The following GOLGA4 variants were observed in gnomAD, a reference collection of about 807,000 sequenced individuals.
The protein encoded by GOLGA4 is golgin A4.
In GOLGA4, 169 loss-of-function variants were observed where a neutral mutation model predicts 265.9. That is an observed-to-expected ratio of 0.64 (90% CI 0.56 to 0.72). The LOEUF (loss-of-function observed/expected upper bound fraction) is 0.72. Ranked by LOEUF, GOLGA4 falls within the 30% of genes least tolerant of loss-of-function variation. The pLI is 0.00. For missense variants in GOLGA4, 2,482 were observed against 2,483.4 expected, an observed-to-expected ratio of 1.00 and a Z score of 0.01; for synonymous variants, 923 against 855.8, an observed-to-expected ratio of 1.08 and a Z score of -1.37.
chr3:37,343,182 C>A (rs189836464), intron 20 of GOLGA4, among the ~76,000 whole-genome samples: 3 of 152,216 alleles, frequency 2.0e-5, no homozygotes, highest in African/African-American at 7.2e-5. Context: ...AGCGCAATGG[C>A]GCGATCTCAG....
intron 2 of GOLGA4, among the ~76,000 whole-genome samples, chr3:37,262,883 A>G (rs1446986965): frequency 6.6e-6 from 1 of 152,142 alleles, no homozygotes; most frequent in South Asian, 2.1e-4. Context: ...CAGTAGTCCC[A>G]TAAGATTATA....
At chr3:37,318,949 T>G (rs1160168750) in intron 11 of GOLGA4, 114 bp from the exon 12 acceptor site, 2 of 690,094 alleles carry the variant, frequency 2.9e-6, no homozygotes, top group Non-Finnish European at 4.7e-6. Flanking sequence ...AGGAATGTGA[T>G]TTTTTCTTCT....
At chr3:37,303,893 C>T (rs2096899589) in intron 10 of GOLGA4, among the ~76,000 whole-genome samples, 1 of 152,136 alleles carries the variant, frequency 6.6e-6, no homozygotes, top group Non-Finnish European at 1.5e-5. Context: ...ATTGCATCCT[C>T]ACAAGTGTAT....
chr3:37,272,891 A>G (rs1209524138), intron 2 of GOLGA4, among the ~76,000 whole-genome samples: 1 of 152,168 alleles, frequency 6.6e-6, no homozygotes, highest in African/African-American at 2.4e-5. Context: ...ACCTCAAAGA[A>G]TCTCATCTAG....
Position 37,321,862 on chromosome 3 carries a change from G to T in GOLGA4, c.1677G>T (p.Gln559His), listed in dbSNP as rs77527284. ...GTGAAAATAAACTTCGGGACCTTCA[G>T]CAAGAAGCAGAGACTTACAGAACTG... ...TESENKLRDLQQEAETYRTRI... is the reference protein window; with the variant it reads ...TESENKLRDLHQEAETYRTRI... Residue 559 changes from glutamine (Q) to histidine (H), a missense_variant, in exon 13 of 24, where the codon CAG becomes CAT. Physicochemically the swap from Gln to His is conservative, Grantham distance 24 (BLOSUM62 0). This residue lies in a region of GOLGA4 where 1,536 missense variants were observed against 1,483.7 expected (regional missense o/e 1.04). Coordinates refer to ENST00000361924, the MANE Select transcript of GOLGA4 (RefSeq NM_002078.5). 0.032 allele frequency: 51,353 copies of T among 1,609,604 alleles called. 1,017 individuals carry two copies. The highest frequency in any genetic ancestry group is 0.056 in the African/African-American group (4,157 of 74,712).
chr3:37,243,747 A>C (rs543741773), intron 1 of GOLGA4, 125 bp downstream of exon 1: 25 of 753,712 alleles, frequency 3.3e-5, no homozygotes, highest in Non-Finnish European at 5.2e-5. Context: ...CACTTTTCCC[A>C]AACTCCGGAC....
intron 20 of GOLGA4, among the ~76,000 whole-genome samples, chr3:37,344,442 A>C (rs1011087296): frequency 6.8e-6 from 1 of 146,348 alleles, no homozygotes; most frequent in African/African-American, 2.5e-5. Context: ...TGCTACCTCT[A>C]GTGTGTTTCA....
At position 37,324,939 on chromosome 3, in the gene GOLGA4, T is replaced by C. The variant is rs1033334834; in HGVS notation, c.3053T>C (p.Val1018Ala). The C allele has an allele frequency of 2.7e-5, 44 of 1,613,108 alleles. No individual in the cohort carries two copies. Among genetic ancestry groups the C allele is most frequent in the Non-Finnish European group, 3.6e-5 (43 of 1,179,754 alleles). ...QANSAGISDA[V>A]SRLETNQKEQ... ...AACTCAGCTGGAATCAGTGATGCAG[T>C]GTCAAGACTGGAAACAAACCAAAAA... The change falls in exon 14 of 24, where the codon GTG (valine) becomes GCG (alanine). Residue 1018 changes from valine (V) to alanine (A), a missense_variant. Physicochemically the swap from Val to Ala is moderately conservative, Grantham distance 64. This residue lies in a region of GOLGA4 where 1,536 missense variants were observed against 1,483.7 expected (regional missense o/e 1.04). Transcript: ENST00000361924.
rs373437728 is a variant in GOLGA4 at position 37,257,894 on chromosome 3, CATATATAT to C, written c.162+6423_162+6430del. Among the ~76,000 whole-genome samples the C allele has an allele frequency of 2.3e-4, 24 of 104,904 alleles. 1 individual carries two copies. Among genetic ancestry groups the C allele is most frequent in the South Asian group, 8.1e-4 (3 of 3,710 alleles). 68.8% of individuals were successfully genotyped at this position (104,904 alleles called of 152,430 possible). ...AATTAGGTGTGTTTTCATATATATA[CATATATAT>C]ATATATATATATGTATGTATATATG... On this transcript the variant is annotated intron_variant, in intron 2 of 23. Coordinates refer to ENST00000361924, the MANE Select transcript of GOLGA4 (RefSeq NM_002078.5).
chr3:37,325,653 G>A lies in GOLGA4; in HGVS notation c.3767G>A (p.Arg1256His), dbSNP rs376650078. The change falls in exon 14 of 24, where the codon CGT becomes CAT. Residue 1256 changes from arginine (R) to histidine (H), a missense_variant. By Grantham distance (29) the Arg-to-His change is conservative. Around this residue, in one of 3 missense-constraint regions of GOLGA4, gnomAD observed 1,536 missense variants for 1,483.7 expected, o/e 1.04. Transcript: ENST00000361924. The part of the protein sequence containing the change: ...ILSRISHCQH[R>H]TTKVKEALLI... The stretch of plus-strand genomic sequence containing the variant: ...TCTAGGATTTCTCATTGTCAGCACC[G>A]TACAACTAAAGTTAAGGAGGCACTG... The A allele has an allele frequency of 5.0e-5, 81 of 1,613,676 alleles. No homozygotes were observed. The highest frequency in any genetic ancestry group is 6.5e-5 in the Non-Finnish European group (77 of 1,179,730).
chr3:37,256,401 C>T (rs1460072183), intron 2 of GOLGA4, among the ~76,000 whole-genome samples: 3 of 151,488 alleles, frequency 2.0e-5, no homozygotes, highest in South Asian at 2.1e-4. Flanking sequence ...ACCCAGGAGG[C>T]GGAGGTTGCA....
At chr3:37,321,617 C>T (rs1205723601) in intron 12 of GOLGA4, 114 bp from the exon 13 acceptor site, 1 of 885,642 alleles carries the variant, frequency 1.1e-6, no homozygotes, top group African/African-American at 1.7e-5. Flanking sequence ...ATGACGTTAC[C>T]TATCCAACAG....
chr3:37,274,330 T>A (rs952533709), intron 2 of GOLGA4, among the ~76,000 whole-genome samples: 1 of 152,050 alleles, frequency 6.6e-6, no homozygotes, highest in Admixed American at 6.6e-5. Flanking sequence ...TTTTAAAAAG[T>A]TATTTATAAA....
At chr3:37,275,215 C>CAAAAAAAAAAAAAAAAA (rs749758741) in intron 2 of GOLGA4, among the ~76,000 whole-genome samples, 2 of 44,954 alleles carry the variant, frequency 4.4e-5, no homozygotes, top group Non-Finnish European at 7.4e-5. Flanking sequence ...GACTCCGTCT[C>CAAAAAAAAAAAAAAAAA]AAAAAAAAAA....
chr3:37,341,274 T>C (rs181529097), intron 20 of GOLGA4, among the ~76,000 whole-genome samples: 1 of 152,336 alleles, frequency 6.6e-6, no homozygotes, highest in Admixed American at 6.5e-5. Flanking sequence ...CATTGAATAA[T>C]CTTATATAAC....
chr3:37,279,992 C>T (rs534078869), intron 2 of GOLGA4, among the ~76,000 whole-genome samples: 17 of 152,058 alleles, frequency 1.1e-4, no homozygotes, highest in East Asian at 7.7e-4. Context: ...CAATTGCTTC[C>T]GGTGTTTCTT....
At chr3:37,293,216 C>T (rs1431550808) in intron 5 of GOLGA4, among the ~76,000 whole-genome samples, 1 of 152,164 alleles carries the variant, frequency 6.6e-6, no homozygotes, top group African/African-American at 2.4e-5. Flanking sequence ...ACCTGCAGCC[C>T]GTGGCCTGCA....
intron 10 of GOLGA4, among the ~76,000 whole-genome samples, chr3:37,306,743 T>C (rs1283300672): frequency 6.6e-6 from 1 of 151,768 alleles, no homozygotes; most frequent in Admixed American, 6.6e-5. Context: ...TTATTGACAC[T>C]TTTACGTGTT....
chr3:37,288,351 C>A (rs571059352), intron 4 of GOLGA4, among the ~76,000 whole-genome samples: 1 of 151,796 alleles, frequency 6.6e-6, no homozygotes, highest in African/African-American at 2.4e-5. Context: ...CCTGGTGATC[C>A]GCCTGCCTCG....
Sources: allele counts gnomAD v4.1 joint callset (sites outside exome capture counted in the v4.1 genomes callset), GRCh38; gene constraint gnomAD v4.1.1; regional missense constraint gnomAD v4.1.1; transcripts MANE v1.5; gene names NCBI Gene and HGNC (gene_info 2026-07-23, HGNC 2026-07-21).